SLC9A9: variants seen among roughly 807,000 people sequenced by gnomAD.
SLC9A9 encodes solute carrier family 9 member A9, also known as sodium/hydrogen exchanger 9.
A neutral mutation model predicts 77.8 loss-of-function variants in SLC9A9; 62 were observed. That is an observed-to-expected ratio of 0.80 (90% CI 0.65 to 0.98). SLC9A9 has a LOEUF of 0.98. Among genes scored for constraint, SLC9A9 ranks in the 50% least tolerant of loss-of-function variants. The probability of loss-of-function intolerance (pLI) is 0.00; values close to 1 mark genes in which losing one functional copy is unlikely to be tolerated. For missense variants in SLC9A9, 775 were observed against 774.9 expected (o/e 1.00, Z 0.00); for synonymous variants, 320 against 283.5 (o/e 1.13, Z -1.29).
intron 2 of SLC9A9, among the ~76,000 whole-genome samples, chr3:143,807,435 T>C (rs1240996017): frequency 6.6e-6 from 1 of 151,300 alleles, no homozygotes; most frequent in Non-Finnish European, 1.5e-5. Flanking sequence ...CTCTGGCTTT[T>C]AATATATGAA....
rs1475652027 is a variant in SLC9A9 at position 143,848,146 on chromosome 3, A to G, written c.175+2T>C. ...CATCAATCTCACAATTTATGCACTC[A>G]CCATACACCATTGCTCCTCCAGTTT... On this transcript the variant is annotated splice_donor_variant, in intron 1 of 15. Coordinates refer to ENST00000316549, the MANE Select transcript of SLC9A9 (RefSeq NM_173653.4). LOFTEE classifies it high-confidence loss of function. 1 of 1,612,970 alleles carries G rather than the reference A, an allele frequency of 6.2e-7. No individual in the cohort carries two copies.
intron 6 of SLC9A9, among the ~76,000 whole-genome samples, chr3:143,645,630 G>A (rs886175210): frequency 1.3e-5 from 2 of 152,122 alleles, no homozygotes; most frequent in African/African-American, 4.8e-5. Flanking sequence ...CAAGATACAT[G>A]GGCGGTAAGA....
intron 14 of SLC9A9, among the ~76,000 whole-genome samples, chr3:143,280,205 C>T (rs145953234): frequency 3.3e-5 from 5 of 149,256 alleles, no homozygotes; most frequent in African/African-American, 1.3e-4. Context: ...TCTATGGACT[C>T]CTGGCCATTT....
At chr3:143,451,068 T>C (rs115783329) in intron 12 of SLC9A9, among the ~76,000 whole-genome samples, 83 of 152,152 alleles carry the variant, frequency 5.5e-4, no homozygotes, top group Admixed American at 9.2e-4. Flanking sequence ...AAGAAAACCA[T>C]TGGAGATGCT....
intron 5 of SLC9A9, among the ~76,000 whole-genome samples, chr3:143,684,077 A>G (rs570361038): frequency 6.6e-6 from 1 of 151,928 alleles, no homozygotes; most frequent in African/African-American, 2.4e-5. Flanking sequence ...TATTTGGAGT[A>G]ACTGAGGCCA....
Position 143,552,385 on chromosome 3 carries a change from C to G in SLC9A9, c.1066G>C (p.Asp356His), listed in dbSNP as rs1271931565. Residue 356 changes from aspartate (D) to histidine (H), a missense_variant, in exon 9 of 16, where the codon GAT (aspartate) becomes CAT (histidine). Transcript: ENST00000316549. ...AHYTYNNLSSDSKIRTKQLFE... is the reference protein window; with the variant it reads ...AHYTYNNLSSHSKIRTKQLFE... ...ACCTGTTTAGTTCTTATTTTGGAAT[C>G]CGAAGACAGATTGTTGTAGGTATAA... 1.2e-6 allele frequency: 2 copies of G among 1,612,630 alleles called. No homozygotes were observed. Among genetic ancestry groups the G allele is most frequent in the East Asian group, 4.5e-5 (2 of 44,782 alleles).
intron 4 of SLC9A9, among the ~76,000 whole-genome samples, chr3:143,760,105 G>A (rs2007065111): frequency 6.6e-6 from 1 of 152,106 alleles, no homozygotes; most frequent in African/African-American, 2.4e-5. Context: ...AGAGAATATA[G>A]TAAACATTGG....
chr3:143,693,282 C>T lies in SLC9A9; in HGVS notation c.559G>A (p.Ala187Thr), dbSNP rs142715924. The T allele has an allele frequency of 6.4e-5, 103 of 1,613,152 alleles. No individual in the cohort carries two copies. Among genetic ancestry groups the T allele is most frequent in the African/African-American group, 8.0e-5 (6 of 74,860 alleles). ...TTCAGCTGGCCAGCATGTATCATAG[C>T]CTTCACAAAACCATACATAATTAAC... ...IGLIMYGFVKAMIHAGQLKNG... is the reference protein window; with the variant it reads ...IGLIMYGFVKTMIHAGQLKNG... Residue 187 changes from alanine to threonine, a missense_variant, in exon 5 of 16, where the codon GCT (alanine) becomes ACT (threonine). Ala to Thr is a moderately conservative substitution (Grantham distance 58). Coordinates refer to ENST00000316549, the MANE Select transcript of SLC9A9 (RefSeq NM_173653.4).
rs180886441 is a variant in SLC9A9 at position 143,296,572 on chromosome 3, A to C, written c.1605-27592T>G. On this transcript the variant is annotated intron_variant, in intron 14 of 15. Transcript: ENST00000316549. ...TTCTGCTTTCAATTCTTTTGGGTAT[A>C]TACCCAGAAGTGGGATTGCTAGATC... 2.8e-4 allele frequency among the ~76,000 whole-genome samples: 43 copies of C among 152,350 alleles called. No individual in the cohort carries two copies. In the East Asian group the frequency reaches 6.9e-3, roughly 25 times the overall value.
Position 143,795,070 on chromosome 3 carries a change from A to G in SLC9A9, c.464T>C (p.Phe155Ser). 15 of 1,613,328 alleles carry G rather than the reference A, an allele frequency of 9.3e-6. No homozygotes were observed. The highest frequency in any genetic ancestry group is 1.3e-5 in the Non-Finnish European group (15 of 1,179,622). The change falls in exon 4 of 16, where the codon TTT becomes TCT. Residue 155 changes from phenylalanine to serine, a missense_variant. By Grantham distance (155) the Phe-to-Ser change is radical. Coordinates refer to ENST00000316549, the MANE Select transcript of SLC9A9 (RefSeq NM_173653.4). ...TAAAATAGATCCTAAGTTTTGAAAA[A>G]AGTGTCTCTGGGGAGAAAAAAAGAT... is the stretch of plus-strand genomic sequence containing the variant. Reference protein sequence around the residue: ...HAGYSLKKRHFFQNLGSILTY... With the variant: ...HAGYSLKKRHSFQNLGSILTY...
intron 12 of SLC9A9, among the ~76,000 whole-genome samples, chr3:143,441,336 C>T (rs1416019640): frequency 1.3e-5 from 2 of 152,198 alleles, no homozygotes; most frequent in African/African-American, 4.8e-5. Context: ...GGGTGTGGAG[C>T]TATGCCAGGG....
At position 143,574,143 on chromosome 3, in the gene SLC9A9, C is replaced by T; in HGVS notation, c.945G>A (p.Leu315=). The T allele has an allele frequency of 1.9e-6, 3 of 1,613,608 alleles. No individual in the cohort carries two copies. The highest frequency in any genetic ancestry group is 2.5e-6 in the Non-Finnish European group (3 of 1,179,646). Residue 315 remains leucine (L), a synonymous_variant, in exon 8 of 16, where the codon CTG becomes CTA. Coordinates refer to ENST00000316549, the MANE Select transcript of SLC9A9 (RefSeq NM_173653.4). ...AGGCACTCCAAGAAAGCAGGAAAAA[C>T]AGGCCGGTTTCCAGCATCGGGAACT... ...LCEFPMLETG[L]FFLLSWSAFL... is the part of the protein sequence containing the mutation.
chr3:143,480,713 C>A (rs1332080067), intron 11 of SLC9A9, among the ~76,000 whole-genome samples: 1 of 152,126 alleles, frequency 6.6e-6, no homozygotes, highest in Non-Finnish European at 1.5e-5. Context: ...TGACCTCTGC[C>A]CGGTTAGCTG....
rs148033604 is a variant in SLC9A9, at chr3:143,838,343, C to T, written c.176-6122G>A. 6.5e-3 allele frequency among the ~76,000 whole-genome samples: 988 copies of T among 152,204 alleles called. 9 individuals are homozygous for T. The highest frequency in any genetic ancestry group is 0.022 in the African/African-American group (929 of 41,516). ...TCAATGACGCACATCAAGCAGTTTG[C>T]GATGGGCACTTAGGGCAGTGCAGGC... On this transcript the variant is annotated intron_variant, in intron 1 of 15. Transcript: ENST00000316549.
At chr3:143,658,423 C>T (rs1211479534) in intron 5 of SLC9A9, among the ~76,000 whole-genome samples, 2 of 152,212 alleles carry the variant, frequency 1.3e-5, no homozygotes, top group Non-Finnish European at 2.9e-5. Flanking sequence ...CTCCTGAGAT[C>T]TTAGTATCTT....
chr3:143,497,806 A>G (rs1250156514), intron 9 of SLC9A9, among the ~76,000 whole-genome samples: 3 of 152,186 alleles, frequency 2.0e-5, no homozygotes, highest in African/African-American at 7.2e-5. Context: ...CTCTAAACAG[A>G]TTATAAACAA....
chr3:143,837,704 C>T (rs997465162), intron 1 of SLC9A9, among the ~76,000 whole-genome samples: 8 of 152,302 alleles, frequency 5.3e-5, no homozygotes, highest in African/African-American at 1.9e-4. Flanking sequence ...GGGATGTTCT[C>T]ACTCTCCCTG....
intron 5 of SLC9A9, among the ~76,000 whole-genome samples, chr3:143,686,045 G>A (rs1359360997): frequency 2.6e-5 from 4 of 152,196 alleles, no homozygotes; most frequent in African/African-American, 7.2e-5. Context: ...TGTGCTGGAA[G>A]TCTACCCTCA....
chr3:143,361,118 C>T (rs1452963651), intron 14 of SLC9A9, among the ~76,000 whole-genome samples: 1 of 152,210 alleles, frequency 6.6e-6, no homozygotes, highest in Admixed American at 6.5e-5. Context: ...TAAACCAATT[C>T]CTTGAAATAA....
Sources: allele counts gnomAD v4.1 joint callset (sites outside exome capture counted in the v4.1 genomes callset), GRCh38; gene constraint gnomAD v4.1.1; transcripts MANE v1.5; gene names NCBI Gene and HGNC (gene_info 2026-07-23, HGNC 2026-07-21).